Variants in TBC1D32 observed in about 807,000 individuals in gnomAD.
TBC1D32 encodes TBC1 domain family member 32.
A neutral mutation model predicts 170.3 loss-of-function variants in TBC1D32; 151 were observed. The ratio of observed to expected loss-of-function variants is 0.89; its 90% confidence interval spans 0.78 to 1.01. TBC1D32 has a LOEUF of 1.01. Ranked by LOEUF, TBC1D32 falls within the 50% of genes least tolerant of loss-of-function variation. TBC1D32 has a pLI of 0.00. For synonymous variants in TBC1D32, 498 were observed against 488.0 expected, an observed-to-expected ratio of 1.02 and a Z score of -0.27; for missense variants, 1,464 against 1,457.1, an observed-to-expected ratio of 1.00 and a Z score of -0.08.
rs1451129588 is a variant in TBC1D32, at chr6:121,256,143, C to A, written c.1876G>T (p.Gly626Cys). 3 of 1,613,976 alleles carry A rather than the reference C, an allele frequency of 1.9e-6. No homozygotes were observed. The South Asian group carries it at 3.3e-5, about 18-fold the overall frequency. The change falls in exon 16 of 32, where the codon GGT (glycine) becomes TGT (cysteine). Residue 626 changes from glycine to cysteine, a missense_variant. This residue lies in a region of TBC1D32 where 1,363 missense variants were observed against 1,338.1 expected (regional missense o/e 1.02). Transcript: ENST00000398212. ...VCRHIYSTCE[G>C]LQVLITYNLH... ...TTATAAGTGATTAACACCTGCAAAC[C>A]TTCACATGTACTATATATGTGACGA...
At chr6:121,312,392 CT>C (rs1808344376) in intron 3 of TBC1D32, among the ~76,000 whole-genome samples, 1 of 152,114 alleles carries the variant, frequency 6.6e-6, no homozygotes, top group Non-Finnish European at 1.5e-5. Context: ...TAAAAAAAGT[CT>C]ATTAATTCTT....
intron 22 of TBC1D32, among the ~76,000 whole-genome samples, chr6:121,174,723 A>G (rs1413522452): frequency 6.6e-6 from 1 of 152,192 alleles, no homozygotes; most frequent in Non-Finnish European, 1.5e-5. Context: ...ACACACAGGA[A>G]TTTTAAATTA....
intron 21 of TBC1D32, among the ~76,000 whole-genome samples, chr6:121,208,392 G>A (rs1792573573): frequency 6.6e-6 from 1 of 152,098 alleles, no homozygotes; most frequent in African/African-American, 2.4e-5. Context: ...AAGGAGAAGT[G>A]TGGAGCAAAG....
In TBC1D32 at chr6:121,104,304, G is replaced by A. The variant is rs373922331; in HGVS notation, c.3465+1719C>T. 1.6e-4 allele frequency among the ~76,000 whole-genome samples: 25 copies of A among 151,614 alleles called. No individual in the cohort carries two copies. In the East Asian group the frequency reaches 2.7e-3, roughly 16 times the overall value. ...CAGGATCAACTTAATCTTAATCATAGAATATATTGGTGAAATTCAACACTA... is the reference window on the plus strand; with the variant it reads ...CAGGATCAACTTAATCTTAATCATAAAATATATTGGTGAAATTCAACACTA... On this transcript the variant is annotated intron_variant, in intron 30 of 31. Coordinates refer to ENST00000398212, the MANE Select transcript of TBC1D32 (RefSeq NM_152730.6).
chr6:121,215,872 G>A (rs1793756290), intron 21 of TBC1D32, among the ~76,000 whole-genome samples: 1 of 152,206 alleles, frequency 6.6e-6, no homozygotes, highest in African/African-American at 2.4e-5. Flanking sequence ...TGAAATTGTG[G>A]AGAAAAGAGA....
chr6:121,080,756 C>A lies in TBC1D32; in HGVS notation c.*15G>T. On this transcript the variant is annotated 3_prime_UTR_variant, in exon 32 of 32. Coordinates refer to ENST00000398212, the MANE Select transcript of TBC1D32 (RefSeq NM_152730.6). ...AAATAAATAAAACCTAAATTTAAAC[C>A]GTGTGTCTCATGATCTATGTGCTCT... The A allele has an allele frequency of 6.3e-7, 1 of 1,598,250 alleles. No individual in the cohort carries two copies. Among genetic ancestry groups the A allele is most frequent in the South Asian group, 1.1e-5 (1 of 87,780 alleles).
At chr6:121,285,519 C>G (rs1260936296) in intron 12 of TBC1D32, among the ~76,000 whole-genome samples, 3 of 152,048 alleles carry the variant, frequency 2.0e-5, no homozygotes, top group Non-Finnish European at 2.9e-5. Context: ...CAAAAGAAAA[C>G]CAGGTACGAG....
intron 10 of TBC1D32, 143 bp downstream of exon 10, chr6:121,299,303 G>A: frequency 1.3e-6 from 1 of 790,934 alleles, no homozygotes; most frequent in Non-Finnish European, 1.9e-6. Flanking sequence ...GTCACAGGAT[G>A]GTAGTTTAAG....
chr6:121,142,668 A>C (rs1437198639), intron 24 of TBC1D32, among the ~76,000 whole-genome samples: 3 of 152,140 alleles, frequency 2.0e-5, no homozygotes, highest in Non-Finnish European at 2.9e-5. Flanking sequence ...TATGCTATCT[A>C]ATTCCTCAAG....
At chr6:121,085,704 C>T (rs545623069) in intron 31 of TBC1D32, among the ~76,000 whole-genome samples, 176 of 152,052 alleles carry the variant, frequency 1.2e-3, no homozygotes, top group African/African-American at 3.5e-3. Flanking sequence ...TCATAAGTAC[C>T]CTAAGTGATT....
intron 22 of TBC1D32, among the ~76,000 whole-genome samples, chr6:121,201,924 A>C (rs1791617857): frequency 6.6e-6 from 1 of 151,292 alleles, no homozygotes; most frequent in African/African-American, 2.5e-5. Context: ...TTTCAAAATT[A>C]AGCAATTAAA....
intron 6 of TBC1D32, 29 bp from the exon 7 acceptor site, chr6:121,304,654 C>T: frequency 6.4e-7 from 1 of 1,562,668 alleles, no homozygotes; most frequent in Non-Finnish European, 8.7e-7. Flanking sequence ...CATAAAATTA[C>T]ATCATTCATT....
At chr6:121,090,023 C>A (rs901685080) in intron 31 of TBC1D32, among the ~76,000 whole-genome samples, 1 of 151,620 alleles carries the variant, frequency 6.6e-6, no homozygotes, top group African/African-American at 2.4e-5. Context: ...AGCTCCGCCT[C>A]CTGGGTTCAC....
chr6:121,221,878 G>T (rs1331593815), intron 21 of TBC1D32, among the ~76,000 whole-genome samples: 1 of 152,216 alleles, frequency 6.6e-6, no homozygotes, highest in Non-Finnish European at 1.5e-5. Flanking sequence ...TGATAAAGCA[G>T]TGAGTGGGTT....
chr6:121,135,680 G>A (rs545625693), intron 24 of TBC1D32, among the ~76,000 whole-genome samples: 1 of 152,050 alleles, frequency 6.6e-6, no homozygotes, highest in Non-Finnish European at 1.5e-5. Flanking sequence ...GGAAACTAAG[G>A]GTGAAATTTC....
chr6:121,116,785 G>T (rs143316200), intron 26 of TBC1D32, among the ~76,000 whole-genome samples: 115 of 152,306 alleles, frequency 7.6e-4, no homozygotes, highest in African/African-American at 2.7e-3. Context: ...TGAAAGAAAA[G>T]AGTTCTTACA....
At position 121,145,131 on chromosome 6, in the gene TBC1D32, G is replaced by C. The variant is rs558566957; in HGVS notation, c.2774-13379C>G. ...TCCTTCAAGGAATTCTGAAGTAAAA[G>C]GCAGGCCAGAAGTGAGATTTTAGTG... On this transcript the variant is annotated intron_variant, in intron 24 of 31. Coordinates refer to ENST00000398212, the MANE Select transcript of TBC1D32 (RefSeq NM_152730.6). 9.0e-4 allele frequency among the ~76,000 whole-genome samples: 137 copies of C among 152,240 alleles called. 1 individual carries two copies. The highest frequency in any genetic ancestry group is 1.1e-3 in the Non-Finnish European group (75 of 68,002).
At chr6:121,212,927 T>C (rs117698010) in intron 21 of TBC1D32, among the ~76,000 whole-genome samples, 3,671 of 152,180 alleles carry the variant, frequency 0.024, 165 homozygotes, top group East Asian at 0.12. Flanking sequence ...ATCCATCACA[T>C]AAACAGGACT....
intron 29 of TBC1D32, among the ~76,000 whole-genome samples, chr6:121,107,312 T>A (rs1233256588): frequency 6.6e-6 from 1 of 151,938 alleles, no homozygotes; most frequent in East Asian, 1.9e-4. Flanking sequence ...GCAAGTTGAT[T>A]TACAGTGGTT....
Sources: allele counts gnomAD v4.1 joint callset (sites outside exome capture counted in the v4.1 genomes callset), GRCh38; gene constraint gnomAD v4.1.1; regional missense constraint gnomAD v4.1.1; transcripts MANE v1.5; gene names NCBI Gene and HGNC (gene_info 2026-07-23, HGNC 2026-07-21).